TPO: variants seen among roughly 807,000 people sequenced by gnomAD.
The protein encoded by TPO is thyroid microsomal antigen.
In TPO, 78 loss-of-function variants were observed where a neutral mutation model predicts 96.9. The ratio of observed to expected loss-of-function variants is 0.81; its 90% CI spans 0.67 to 0.97. The LOEUF (loss-of-function observed/expected upper bound fraction) is 0.97, where lower values mean the gene tolerates loss of function less well. TPO is among the 50% of genes least tolerant of loss of function. The pLI, the probability that TPO is intolerant of heterozygous loss-of-function variation, is 0.00. For synonymous variants in TPO, 547 were observed against 538.0 expected, an observed-to-expected ratio of 1.02 and a Z score of -0.23; for missense variants, 1,252 against 1,274.8, an observed-to-expected ratio of 0.98 and a Z score of 0.27.
intron 15 of TPO, among the ~76,000 whole-genome samples, chr2:1,529,709 C>A (rs1254990653): frequency 1.2e-5 from 1 of 84,456 alleles, no homozygotes; most frequent in Non-Finnish European, 2.2e-5. Context: ...CTGCGTGCAA[C>A]CTCCTCAAAT....
intron 11 of TPO, among the ~76,000 whole-genome samples, chr2:1,494,563 C>T (rs777753729): frequency 7.9e-5 from 12 of 152,176 alleles, no homozygotes; most frequent in Non-Finnish European, 1.2e-4. Context: ...TGTCTGCTCC[C>T]TCCTCAAGTT....
intron 1 of TPO, among the ~76,000 whole-genome samples, chr2:1,400,385 C>T (rs1415164151): frequency 6.6e-6 from 1 of 151,818 alleles, no homozygotes; most frequent in East Asian, 1.9e-4. Flanking sequence ...CCCAGCTGCT[C>T]GGGAGGCTGA....
At chr2:1,522,229 C>G (rs1675368662) in intron 15 of TPO, among the ~76,000 whole-genome samples, 1 of 142,234 alleles carries the variant, frequency 7.0e-6, no homozygotes, top group Admixed American at 7.1e-5. Flanking sequence ...CCCTCACAGT[C>G]TCTCTACCCC....
chr2:1,435,169 G>A lies in TPO; in HGVS notation c.350-1083G>A, dbSNP rs528503798. Reference sequence around the variant, plus strand: ...AGGATGGTCTCGATCTCCTGACCTCGTAATCCACCCTCTTTGGCCTCCCAA... The same window carrying A: ...AGGATGGTCTCGATCTCCTGACCTCATAATCCACCCTCTTTGGCCTCCCAA... On this transcript the variant is annotated intron_variant, in intron 4 of 16. Coordinates refer to ENST00000329066, the MANE Select transcript of TPO (RefSeq NM_001206744.2). Among the ~76,000 whole-genome samples the A allele has an allele frequency of 3.9e-5, 6 of 152,270 alleles. No individual in the cohort carries two copies. The South Asian group carries it at 6.2e-4, about 16-fold the overall frequency.
chr2:1,414,418 C>T lies in TPO; in HGVS notation c.10C>T (p.Leu4Phe). MRA[L>F]AVLSVTLVMA... ...TTCCGTTAATTTTAGAATGAGAGCG[C>T]TCGCTGTGCTGTCTGTCACGCTGGT... Residue 4 changes from leucine to phenylalanine, a missense_variant, in exon 2 of 17, where the codon CTC becomes TTC. Physicochemically the swap from Leu to Phe is conservative, Grantham distance 22 (BLOSUM62 0). Coordinates refer to ENST00000329066, the MANE Select transcript of TPO (RefSeq NM_001206744.2). The T allele has an allele frequency of 5.6e-6, 9 of 1,613,734 alleles. No individual in the cohort carries two copies. Among genetic ancestry groups the T allele is most frequent in the Non-Finnish European group, 7.6e-6 (9 of 1,179,834 alleles).
chr2:1,509,697 G>C (rs1435995894), intron 14 of TPO, among the ~76,000 whole-genome samples: 1 of 70,846 alleles, frequency 1.4e-5, no homozygotes, highest in African/African-American at 6.4e-5. Context: ...CTGGTTTCAG[G>C]CACACCCCCC....
chr2:1,450,116 C>T (rs979265558), intron 5 of TPO, among the ~76,000 whole-genome samples: 1 of 152,220 alleles, frequency 6.6e-6, no homozygotes, highest in African/African-American at 2.4e-5. Flanking sequence ...GAGTGGAAAG[C>T]TGACTTCGTC....
chr2:1,488,141 C>CCG, intron 10 of TPO, 150 bp downstream of exon 10: 1 of 1,157,192 alleles, frequency 8.6e-7, no homozygotes, highest in Non-Finnish European at 1.2e-6. Context: ...CCAGTTCATT[C>CCG]AGCTAAAGTG....
intron 3 of TPO, among the ~76,000 whole-genome samples, chr2:1,429,056 T>A (rs1213929395): frequency 1.3e-5 from 2 of 152,234 alleles, no homozygotes; most frequent in African/African-American, 4.8e-5. Flanking sequence ...TGTTTTATAT[T>A]TTAAGTTAAA....
At chr2:1,455,551 A>G (rs1311302728) in intron 6 of TPO, among the ~76,000 whole-genome samples, 1 of 152,198 alleles carries the variant, frequency 6.6e-6, no homozygotes, top group Non-Finnish European at 1.5e-5. Flanking sequence ...TGCTCTCCAG[A>G]TGCCCTGGCG....
Position 1,422,764 on chromosome 2 carries a change from G to T in TPO, c.95-281G>T, listed in dbSNP as rs1374000240. Among the ~76,000 whole-genome samples, 9 of 152,166 alleles carry T rather than the reference G, an allele frequency of 5.9e-5. No individual in the cohort carries two copies. The South Asian group carries it at 6.2e-4, about 10-fold the overall frequency. The stretch of plus-strand genomic sequence containing the variant: ...CCAGTGATGAATGTTCAGAACAAAA[G>T]TTATTCGGAATCATTTGAAGTGGTT... On this transcript the variant is annotated intron_variant, in intron 2 of 16. Transcript: ENST00000329066.
At chr2:1,444,443 C>A (rs1434234357) in intron 5 of TPO, among the ~76,000 whole-genome samples, 1 of 140,776 alleles carries the variant, frequency 7.1e-6, no homozygotes, top group Non-Finnish European at 1.5e-5. Context: ...ATGGAGCTGG[C>A]TCCTTCTTGT....
intron 15 of TPO, among the ~76,000 whole-genome samples, chr2:1,526,420 G>A (rs1218719404): frequency 3.9e-5 from 3 of 77,130 alleles, no homozygotes; most frequent in Admixed American, 2.1e-4. Flanking sequence ...TCAACATGCT[G>A]TGTGAAACCT....
intron 1 of TPO, among the ~76,000 whole-genome samples, chr2:1,404,818 T>C (rs1379226965): frequency 1.3e-5 from 2 of 152,254 alleles, no homozygotes; most frequent in Non-Finnish European, 2.9e-5. Flanking sequence ...TATTAAATCA[T>C]TCTATTGAAT....
At chr2:1,503,612 C>T (rs1173057862) in intron 13 of TPO, among the ~76,000 whole-genome samples, 1 of 152,162 alleles carries the variant, frequency 6.6e-6, no homozygotes, top group Non-Finnish European at 1.5e-5. Flanking sequence ...ACCCTGGCCC[C>T]TTCCTGCCCC....
intron 8 of TPO, among the ~76,000 whole-genome samples, chr2:1,481,500 C>T (rs1158364166): frequency 6.6e-6 from 1 of 152,162 alleles, no homozygotes; most frequent in Non-Finnish European, 1.5e-5. Context: ...CCCACAGAAG[C>T]TTTGCTTTGG....
At chr2:1,382,716 CT>C (rs1050250436) in intron 1 of TPO, among the ~76,000 whole-genome samples, 3 of 151,834 alleles carry the variant, frequency 2.0e-5, no homozygotes, top group Non-Finnish European at 4.4e-5. Flanking sequence ...GATGCTCTTT[CT>C]TTTTTTTAAT....
At chr2:1,439,092 A>AC (rs1665900268) in intron 5 of TPO, 1 of 457,184 alleles carries the variant, frequency 2.2e-6, no homozygotes, top group Admixed American at 3.6e-5. Flanking sequence ...CAACCTCAAG[A>AC]CCAGGGCCTC....
intron 9 of TPO, among the ~76,000 whole-genome samples, 168 bp from the exon 10 acceptor site, chr2:1,487,653 C>T (rs965892868): frequency 5.3e-5 from 8 of 152,002 alleles, no homozygotes; most frequent in African/African-American, 1.9e-4. Context: ...AGGAGCATGG[C>T]GTGAACCCGG....
Sources: allele counts gnomAD v4.1 joint callset (sites outside exome capture counted in the v4.1 genomes callset), GRCh38; gene constraint gnomAD v4.1.1; transcripts MANE v1.5; gene names NCBI Gene and HGNC (gene_info 2026-07-23, HGNC 2026-07-21).